Variants in LARGE1 observed in about 807,000 individuals in gnomAD.
LARGE1 encodes LARGE xylosyl- and glucuronyltransferase 1.
LARGE1 carries 43 observed loss-of-function variants against 87.6 expected under a neutral mutation model. The ratio of observed to expected loss-of-function variants is 0.49; its 90% confidence interval spans 0.38 to 0.63. The LOEUF (loss-of-function observed/expected upper bound fraction) is 0.63, where lower values mean the gene tolerates loss of function less well. Among genes scored for constraint, LARGE1 ranks in the 30% least tolerant of loss-of-function variants. The probability of loss-of-function intolerance (pLI) is 0.00; values close to 1 mark genes in which losing one functional copy is unlikely to be tolerated. For missense variants in LARGE1, 802 were observed against 1,000.2 expected, an observed-to-expected ratio of 0.80 and a Z score of 2.67; for synonymous variants, 434 against 394.6, an observed-to-expected ratio of 1.10 and a Z score of -1.18.
At chr22:33,511,685 C>T (rs999969212) in intron 6 of LARGE1, among the ~76,000 whole-genome samples, 3 of 152,200 alleles carry the variant, frequency 2.0e-5, no homozygotes, top group African/African-American at 7.2e-5. Context: ...GTCTTCTTAT[C>T]TCTGACTACC....
chr22:33,798,082 G>T (rs918038471), intron 1 of LARGE1, among the ~76,000 whole-genome samples: 1 of 152,174 alleles, frequency 6.6e-6, no homozygotes, highest in African/African-American at 2.4e-5. Context: ...AGACCAGCCT[G>T]GCCAACATGG....
At chr22:33,733,441 T>C (rs1320630556) in intron 2 of LARGE1, 2 of 152,190 alleles carry the variant, frequency 1.3e-5, no homozygotes, top group Non-Finnish European at 2.9e-5. Context: ...TAAACACTGG[T>C]GAACTTTTTA....
chr22:33,388,318 C>T (rs2065398775), intron 7 of LARGE1, among the ~76,000 whole-genome samples: 1 of 152,220 alleles, frequency 6.6e-6, no homozygotes, highest in Admixed American at 6.5e-5. Context: ...GGTGCAGCTT[C>T]CAAAGTTGGA....
chr22:33,544,468 CCT>C (rs1309593106), intron 6 of LARGE1, among the ~76,000 whole-genome samples: 3 of 152,056 alleles, frequency 2.0e-5, no homozygotes, highest in African/African-American at 7.2e-5. Flanking sequence ...GGGCAGATCC[CCT>C]GAGGTAAGGA....
chr22:33,337,670 A>G lies in LARGE1; in HGVS notation c.1263T>C (p.Ser421=), dbSNP rs1401294222. Reference sequence around the variant, plus strand: ...CGTTTTCACTGTTGACATCAGCCTCACTGGGGCAGCCAAACAGTTCCCGCC... The same window carrying G: ...CGTTTTCACTGTTGACATCAGCCTCGCTGGGGCAGCCAAACAGTTCCCGCC... The part of the protein sequence containing the change: ...LLRRELFGCP[S]EADVNSENLQ... Residue 421 remains serine (S), a synonymous_variant, in exon 10 of 15, where the codon AGT becomes AGC. Transcript: ENST00000397394. The G allele has an allele frequency of 1.2e-6, 2 of 1,613,988 alleles. No individual in the cohort carries two copies. Among genetic ancestry groups the G allele is most frequent in the South Asian group, 1.1e-5 (1 of 91,068 alleles).
intron 6 of LARGE1, among the ~76,000 whole-genome samples, chr22:33,556,900 G>T (rs1416200421): frequency 6.6e-6 from 1 of 152,076 alleles, no homozygotes; most frequent in East Asian, 1.9e-4. Flanking sequence ...CAGCTACTCG[G>T]GAGGCTGAGG....
chr22:33,330,465 G>C (rs1374268337), intron 10 of LARGE1, among the ~76,000 whole-genome samples: 1 of 152,046 alleles, frequency 6.6e-6, no homozygotes, highest in Admixed American at 6.6e-5. Flanking sequence ...AAGGATTATA[G>C]GCATGAGCTA....
At chr22:33,564,667 T>C (rs1157936285) in intron 6 of LARGE1, among the ~76,000 whole-genome samples, 181 bp downstream of exon 6, 1 of 152,262 alleles carries the variant, frequency 6.6e-6, no homozygotes, top group Admixed American at 6.5e-5. Flanking sequence ...GTTTCTGTTT[T>C]ACTCTATTAT....
At chr22:33,547,114 T>A (rs1275565401) in intron 6 of LARGE1, among the ~76,000 whole-genome samples, 1 of 152,122 alleles carries the variant, frequency 6.6e-6, no homozygotes, top group East Asian at 1.9e-4. Context: ...TTTGTGAAGA[T>A]GAAAGAAGCT....
intron 6 of LARGE1, among the ~76,000 whole-genome samples, chr22:33,553,689 CAG>C (rs1160334555): frequency 2.0e-5 from 3 of 152,122 alleles, no homozygotes; most frequent in Non-Finnish European, 2.9e-5. Flanking sequence ...CCACAGGAAA[CAG>C]AGGTTTAGAG....
rs57007465 is a variant in LARGE1 at position 33,387,525 on chromosome 22, TGG to T, written c.893-3223_893-3222del. Among the ~76,000 whole-genome samples the T allele has an allele frequency of 3.6e-5, 4 of 110,470 alleles. 1 individual carries two copies. In the South Asian group the frequency reaches 1.0e-3, roughly 29 times the overall value. 72.5% of individuals were successfully genotyped at this position (110,470 alleles called of 152,430 possible). On this transcript the variant is annotated intron_variant, in intron 7 of 14. Transcript: ENST00000397394. ...ATAGATGCTCCAATGTATTAAAAAA[TGG>T]GGGGGGGGATGGTGGGAAACTAGAA...
At chr22:33,752,331 T>C (rs2084348289) in intron 2 of LARGE1, among the ~76,000 whole-genome samples, 1 of 152,120 alleles carries the variant, frequency 6.6e-6, no homozygotes. Context: ...AAGAGACCTA[T>C]TCAAACATCA....
chr22:33,248,755 T>A (rs532570144), intron 11 of LARGE1, among the ~76,000 whole-genome samples: 1 of 152,208 alleles, frequency 6.6e-6, no homozygotes, highest in East Asian at 1.9e-4. Context: ...CTTTTTACTA[T>A]CTCCACAGTT....
At chr22:33,818,643 G>A (rs916743696) in intron 1 of LARGE1, among the ~76,000 whole-genome samples, 1 of 152,162 alleles carries the variant, frequency 6.6e-6, no homozygotes, top group East Asian at 1.9e-4. Flanking sequence ...TGCTTCTTGA[G>A]GGCAGCCTCT....
chr22:33,727,851 A>G (rs1168999892), intron 2 of LARGE1, among the ~76,000 whole-genome samples: 1 of 152,170 alleles, frequency 6.6e-6, no homozygotes, highest in Non-Finnish European at 1.5e-5. Flanking sequence ...GAGGCTTGGA[A>G]AGGTCAGGGG....
chr22:33,164,345 T>A (rs574232276), exon 12 of LARGE1: 1 of 152,294 alleles, frequency 6.6e-6, no homozygotes, highest in East Asian at 1.9e-4. Flanking sequence ...CCCAAGTACG[T>A]CTTCCAGGGA....
intron 6 of LARGE1, among the ~76,000 whole-genome samples, chr22:33,449,756 T>C (rs941643301): frequency 6.6e-6 from 1 of 152,176 alleles, no homozygotes; most frequent in Non-Finnish European, 1.5e-5. Flanking sequence ...AAGGAAACAA[T>C]ATGCTGGCCA....
At chr22:33,210,566 G>A (rs975347240) in intron 11 of LARGE1, among the ~76,000 whole-genome samples, 30 of 152,294 alleles carry the variant, frequency 2.0e-4, no homozygotes, top group African/African-American at 6.7e-4. Context: ...TGCCTACCCC[G>A]CCACCAGGCC....
downstream of LARGE1, among the ~76,000 whole-genome samples, chr22:33,161,463 A>G (rs1408922447): frequency 6.6e-6 from 1 of 152,232 alleles, no homozygotes; most frequent in Non-Finnish European, 1.5e-5. Flanking sequence ...GAGACAAGGC[A>G]AGTTCCTTCC....
Sources: gnomAD v4.1 joint callset for allele counts (sites outside exome capture counted in the v4.1 genomes callset) on GRCh38, gnomAD v4.1.1 for gene constraint, MANE v1.5 for transcripts, NCBI Gene and HGNC (gene_info 2026-07-23, HGNC 2026-07-21) for gene names.